ZNF202: variants seen among roughly 807,000 people sequenced by gnomAD.
ZNF202 encodes the protein zinc finger protein 202.
ZNF202 carries 22 observed loss-of-function variants against 54.5 expected under a neutral mutation model. The ratio of observed to expected loss-of-function variants is 0.40; its 90% CI spans 0.29 to 0.58. The LOEUF is 0.58. Ranked by LOEUF, ZNF202 falls within the 20% of genes least tolerant of loss-of-function variation. The probability of loss-of-function intolerance (pLI) is 0.39; values close to 1 mark genes in which losing one functional copy is unlikely to be tolerated. For missense variants in ZNF202, 644 were observed against 805.5 expected, an observed-to-expected ratio of 0.80 and a Z score of 2.43; for synonymous variants, 294 against 301.4, an observed-to-expected ratio of 0.98 and a Z score of 0.26.
At chr11:123,736,306 C>G (rs1001498516) in intron 3 of ZNF202, among the ~76,000 whole-genome samples, 1 of 152,138 alleles carries the variant, frequency 6.6e-6, no homozygotes, top group Middle Eastern at 3.2e-3. Flanking sequence ...AAAGGAGAGA[C>G]AGTGATCTGC....
At chr11:123,734,097 GAGAGAGAC>G (rs1444024671) in intron 3 of ZNF202, among the ~76,000 whole-genome samples, 5 of 152,032 alleles carry the variant, frequency 3.3e-5, no homozygotes, top group African/African-American at 1.2e-4. Flanking sequence ...GCTTTTGAGA[GAGAGAGAC>G]AGAGAGAGAG....
In ZNF202 at chr11:123,725,785, T is replaced by C. The variant is rs1861103079; in HGVS notation, c.*212A>G. 1 of 577,564 alleles carries C rather than the reference T, an allele frequency of 1.7e-6. No homozygotes were observed. The highest frequency in any genetic ancestry group is 2.6e-5 in the South Asian group (1 of 39,170). The allele number at this position is 577,564 out of a possible 1,614,324, so 35.8% of individuals were successfully genotyped here. A position where few individuals can be genotyped will look rare whatever the true frequency, so the allele number is the denominator to read the frequency against. On this transcript the variant is annotated 3_prime_UTR_variant, in exon 9 of 9. Coordinates refer to ENST00000530393, the MANE Select transcript of ZNF202 (RefSeq NM_003455.4). ...GAAGGAGAAGCCTCAATTCAGGTTG[T>C]ACTTTGGATGAAACATCCCCTCAAG...
At chr11:123,727,427 G>C (rs1313895855) in intron 8 of ZNF202, 49 bp downstream of exon 8, 4 of 1,609,658 alleles carry the variant, frequency 2.5e-6, no homozygotes, top group East Asian at 4.5e-5. Context: ...GCACTGCCTA[G>C]AGGAACTGCT....
chr11:123,728,893 A>G (rs1256475170), intron 6 of ZNF202, among the ~76,000 whole-genome samples: 3 of 152,052 alleles, frequency 2.0e-5, no homozygotes, highest in African/African-American at 7.2e-5. Context: ...AAATAATCCC[A>G]TTTTGTTAGT....
intron 3 of ZNF202, among the ~76,000 whole-genome samples, chr11:123,734,462 G>A (rs1362290359): frequency 1.3e-5 from 2 of 152,124 alleles, no homozygotes; most frequent in Non-Finnish European, 2.9e-5. Flanking sequence ...CTTTCCTGAT[G>A]CTGTTCACCT....
chr11:123,738,154 G>GACCATGC (rs1218322441), intron 3 of ZNF202, among the ~76,000 whole-genome samples: 2 of 152,152 alleles, frequency 1.3e-5, no homozygotes, highest in African/African-American at 4.8e-5. Context: ...TGGGACTACA[G>GACCATGC]CACATGCCAC....
chr11:123,725,866 G>A lies in ZNF202; in HGVS notation c.*131C>T. On this transcript the variant is annotated 3_prime_UTR_variant, in exon 9 of 9. Coordinates refer to ENST00000530393, the MANE Select transcript of ZNF202 (RefSeq NM_003455.4). ...GGCTCGTGTTTAGTTGCAGGAAGAG[G>A]TAATGTCAGATCTGAGCAGGTCAGG... 2 of 1,069,956 alleles carry A rather than the reference G, an allele frequency of 1.9e-6. No individual in the cohort carries two copies. The highest frequency in any genetic ancestry group is 2.6e-6 in the Non-Finnish European group (2 of 765,100). The allele number at this position is 1,069,956 out of a possible 1,614,324, so 66.3% of individuals were successfully genotyped here.
rs747825392 is a variant in ZNF202, at chr11:123,726,315, A to G, written c.1629T>C (p.Gly543=). Residue 543 remains glycine (G), a synonymous_variant, in exon 9 of 9, where the codon GGT becomes GGC. Coordinates refer to ENST00000530393, the MANE Select transcript of ZNF202 (RefSeq NM_003455.4). This position sits in a 1 kb window ranked among gnomAD's most constrained non-coding sequence, Gnocchi z 6.0. ...GGKPYLCGEC[G]EDFSEHRRYL... ...ACCGCCTGTGTTCACTGAAGTCCTC[A>G]CCACACTCTCCACACAAGTAGGGTT... is the stretch of plus-strand genomic sequence containing the variant. 1.1e-5 allele frequency: 18 copies of G among 1,614,042 alleles called. No homozygotes were observed. The Middle Eastern group carries it at 6.6e-4, about 59-fold the overall frequency.
In ZNF202 at chr11:123,726,120, G is replaced by A. The variant is rs531098607; in HGVS notation, c.1824C>T (p.Leu608=). 28 of 1,614,184 alleles carry A rather than the reference G, an allele frequency of 1.7e-5. No individual in the cohort carries two copies. Among genetic ancestry groups the A allele is most frequent in the South Asian group, 2.2e-5 (2 of 91,078 alleles). The part of the protein sequence containing the change: ...CGKSFSRRDH[L]VRHQRTHTGE... ...CAGTGTGTGTTCTCTGATGCCTGACGAGGTGGTCCCTGCGACTGAAGCTCT... is the reference window on the plus strand; with the variant it reads ...CAGTGTGTGTTCTCTGATGCCTGACAAGGTGGTCCCTGCGACTGAAGCTCT... The change falls in exon 9 of 9, where the codon CTC becomes CTT. Residue 608 remains leucine (L), a synonymous_variant. Transcript: ENST00000530393. This position sits in a 1 kb window ranked among gnomAD's most constrained non-coding sequence, Gnocchi z 6.0.
chr11:123,730,651 G>A lies in ZNF202; in HGVS notation c.238C>T (p.Arg80Trp). The change falls in exon 4 of 9, where the codon CGG becomes TGG. Residue 80 changes from arginine to tryptophan, a missense_variant. Coordinates refer to ENST00000530393, the MANE Select transcript of ZNF202 (RefSeq NM_003455.4). This position sits in a 1 kb window ranked among gnomAD's most constrained non-coding sequence, Gnocchi z 6.0. Reference protein sequence around the residue: ...LCHQWLRPERRTKEQILELLV... With the variant: ...LCHQWLRPERWTKEQILELLV... ...AGCTCTAGGATCTGCTCCTTTGTCC[G>A]CCTCTCTGGTCTCAGCCACTGGTGA... The A allele has an allele frequency of 6.2e-7, 1 of 1,613,740 alleles. No individual in the cohort carries two copies. The highest frequency in any genetic ancestry group is 8.5e-7 in the Non-Finnish European group (1 of 1,179,772).
At chr11:123,732,262 T>C (rs150736410) in intron 3 of ZNF202, among the ~76,000 whole-genome samples, 86 of 152,324 alleles carry the variant, frequency 5.6e-4, no homozygotes, top group African/African-American at 2.0e-3. Flanking sequence ...TTGGCAAACG[T>C]GCTCATGTCC....
At chr11:123,738,164 C>T (rs190990894) in intron 3 of ZNF202, among the ~76,000 whole-genome samples, 2 of 152,256 alleles carry the variant, frequency 1.3e-5, no homozygotes, top group Admixed American at 1.3e-4. Flanking sequence ...GCACATGCCA[C>T]CATGCCCAGC....
rs140393065 is a variant in ZNF202, at chr11:123,723,955, A to G, written c.*2042T>C. Among the ~76,000 whole-genome samples the G allele has an allele frequency of 9.8e-5, 15 of 152,358 alleles. No individual in the cohort carries two copies. The East Asian group carries it at 2.9e-3, about 29-fold the overall frequency. ...CTCTGACAGATTTTCATTTATTGGA[A>G]TAATGCAAATAAGAAAATTAAAAAG... On this transcript the variant is annotated 3_prime_UTR_variant, in exon 9 of 9. Coordinates refer to ENST00000530393, the MANE Select transcript of ZNF202 (RefSeq NM_003455.4).
intron 3 of ZNF202, among the ~76,000 whole-genome samples, chr11:123,737,185 TCA>T: frequency 6.6e-6 from 1 of 151,900 alleles, no homozygotes; most frequent in Non-Finnish European, 1.5e-5. Context: ...TACCAATATA[TCA>T]AAGTCCTCTC....
Position 123,725,302 on chromosome 11 carries a change from T to G in ZNF202, c.*695A>C, listed in dbSNP as rs1565516870. The G allele has an allele frequency of 6.6e-6, 1 of 152,198 alleles. No homozygotes were observed. The highest frequency in any genetic ancestry group is 1.5e-5 in the Non-Finnish European group (1 of 68,036). The allele number at this position is 152,198 out of a possible 1,614,324, so 9.4% of individuals were successfully genotyped here. A position where few individuals can be genotyped will look rare whatever the true frequency, so the allele number is the denominator to read the frequency against. ...ACTCGTATGGAAAGAGGCTTCTGAC[T>G]AGGCCCTCCTTTCTAGCAGTGTTTG... is the stretch of plus-strand genomic sequence containing the variant. On this transcript the variant is annotated 3_prime_UTR_variant, in exon 9 of 9. Coordinates refer to ENST00000530393, the MANE Select transcript of ZNF202 (RefSeq NM_003455.4).
At chr11:123,737,058 A>C (rs1178160494) in intron 3 of ZNF202, among the ~76,000 whole-genome samples, 1 of 152,182 alleles carries the variant, frequency 6.6e-6, no homozygotes, top group South Asian at 2.1e-4. Flanking sequence ...CAAAAAAAAA[A>C]TCCTTGCTTT....
Position 123,726,187 on chromosome 11 carries a change from C to T in ZNF202, c.1757G>A (p.Gly586Glu). 2.5e-6 allele frequency: 4 copies of T among 1,614,218 alleles called. No individual in the cohort carries two copies. In the South Asian group the frequency reaches 4.4e-5, roughly 18 times the overall value. ...HSAAFAKHLR[G>E]HASVRPCRCN... The stretch of plus-strand genomic sequence containing the variant: ...TCGGCAGGGCCTCACTGAGGCGTGT[C>T]CTCTCAAGTGCTTGGCGAACGCTGC... Residue 586 changes from glycine (G) to glutamate (E), a missense_variant, in exon 9 of 9, where the codon GGA (glycine) becomes GAA (glutamate). This residue lies in a region of ZNF202 where 536 missense variants were observed against 635.3 expected (regional missense o/e 0.84). Coordinates refer to ENST00000530393, the MANE Select transcript of ZNF202 (RefSeq NM_003455.4). The surrounding 1 kb of genome is among the most constrained non-coding windows in gnomAD (Gnocchi z 6.0).
Position 123,727,606 on chromosome 11 carries a change from G to C in ZNF202, c.833-11C>G. 6.2e-7 allele frequency: 1 copy of C among 1,613,966 alleles called. No individual in the cohort carries two copies. Among genetic ancestry groups the C allele is most frequent in the Non-Finnish European group, 8.5e-7 (1 of 1,179,914 alleles). On this transcript the variant is annotated splice_polypyrimidine_tract_variant and intron_variant, in intron 7 of 8. Transcript: ENST00000530393. ...TGGGGATTGGAAATGCTGCTCAAGAGAGGGAAAATAGGATATCACGATTGG... is the reference window on the plus strand; with the variant it reads ...TGGGGATTGGAAATGCTGCTCAAGACAGGGAAAATAGGATATCACGATTGG...
intron 3 of ZNF202, among the ~76,000 whole-genome samples, chr11:123,736,788 C>G (rs1269800589): frequency 6.6e-6 from 1 of 152,106 alleles, no homozygotes; most frequent in African/African-American, 2.4e-5. Context: ...GTGGCTAATA[C>G]TACTTATCTC....
Sources: gnomAD v4.1 joint callset for allele counts (sites outside exome capture counted in the v4.1 genomes callset) on GRCh38, gnomAD v4.1.1 for gene constraint, gnomAD v4.1.1 regional missense constraint, Gnocchi (gnomAD v3.1) non-coding constraint, MANE v1.5 for transcripts, NCBI Gene and HGNC (gene_info 2026-07-23, HGNC 2026-07-21) for gene names.